The following USP43 variants were observed in gnomAD, a reference collection of about 807,000 sequenced individuals.
USP43 encodes ubiquitin specific peptidase 43.
USP43 carries 33 observed loss-of-function variants against 90.7 expected under a neutral mutation model. The observed-to-expected ratio is 0.36, with a 90% CI of 0.28 to 0.49. The LOEUF is 0.49. USP43 is among the 20% of genes least tolerant of loss of function. The pLI is 0.98. For missense variants in USP43, 1,274 were observed against 1,476.4 expected (o/e 0.86, Z 2.25); for synonymous variants, 598 against 615.8 (o/e 0.97, Z 0.43).
At chr17:9,727,204 T>A (rs1050140147) in intron 14 of USP43, among the ~76,000 whole-genome samples, 3 of 152,174 alleles carry the variant, frequency 2.0e-5, no homozygotes, top group Non-Finnish European at 2.9e-5. Context: ...ACTCCTGACC[T>A]TGTGACCCAC....
intron 1 of USP43, among the ~76,000 whole-genome samples, chr17:9,655,019 T>G (rs1306757344): frequency 2.1e-5 from 3 of 140,788 alleles, no homozygotes; most frequent in Non-Finnish European, 4.5e-5. Context: ...ATTACAGGCA[T>G]GAGCCACTGC....
chr17:9,674,755 G>A lies in USP43; in HGVS notation c.741-136G>A. Reference sequence around the variant, plus strand: ...CTTGTGTACAAGTATTTGAACACCTGTTCTCAATTCTTCTGGGTATGTACC... The same window carrying A: ...CTTGTGTACAAGTATTTGAACACCTATTCTCAATTCTTCTGGGTATGTACC... On this transcript the variant is annotated intron_variant, in intron 3 of 14. Transcript: ENST00000285199. The surrounding 1 kb of genome is among the most constrained non-coding windows in gnomAD (Gnocchi z 4.4). The A allele has an allele frequency of 1.3e-6, 1 of 745,020 alleles. No individual in the cohort carries two copies. Among genetic ancestry groups the A allele is most frequent in the African/African-American group, 1.7e-5 (1 of 58,154 alleles). The allele number at this position is 745,020 out of a possible 1,614,324, so 46.2% of individuals were successfully genotyped here. A position where few individuals can be genotyped will look rare whatever the true frequency, so the allele number is the denominator to read the frequency against.
chr17:9,654,885 GCAC>G (rs2151962901), intron 1 of USP43, among the ~76,000 whole-genome samples: 1 of 151,550 alleles, frequency 6.6e-6, no homozygotes, highest in Admixed American at 6.6e-5. Context: ...TTTCAGATGT[GCAC>G]CACCACGCCC....
chr17:9,697,033 A>C (rs1186006809), intron 9 of USP43, among the ~76,000 whole-genome samples: 1 of 152,248 alleles, frequency 6.6e-6, no homozygotes, highest in East Asian at 1.9e-4. Context: ...CCTGGCCAAC[A>C]TGGTGAAACC....
rs746567539 is a variant in USP43, at chr17:9,686,034, C to G, written c.1242-764C>G. On this transcript the variant is annotated intron_variant, in intron 7 of 14. Coordinates refer to ENST00000285199, the MANE Select transcript of USP43 (RefSeq NM_153210.5). The surrounding 1 kb of genome is among the most constrained non-coding windows in gnomAD (Gnocchi z 5.5). ...TCTGTGACATTAACTTTTTTAGATT[C>G]CACATGAGGGAGTACATGCAGTATT... 2.0e-5 allele frequency among the ~76,000 whole-genome samples: 3 copies of G among 152,162 alleles called. No individual in the cohort carries two copies. The highest frequency in any genetic ancestry group is 4.4e-5 in the Non-Finnish European group (3 of 68,026).
At chr17:9,706,695 G>C (rs1803124925) in intron 12 of USP43, among the ~76,000 whole-genome samples, 1 of 134,902 alleles carries the variant, frequency 7.4e-6, no homozygotes. Flanking sequence ...CCAGGCTGGA[G>C]TGCAATTGCA....
intron 1 of USP43, among the ~76,000 whole-genome samples, chr17:9,651,816 A>G (rs1196776828): frequency 1.3e-5 from 2 of 152,218 alleles, no homozygotes; most frequent in Admixed American, 6.5e-5. Context: ...AAGACATAAA[A>G]TGGAAATGGA....
In USP43 at chr17:9,675,311, T is replaced by C. The variant is rs1913693281; in HGVS notation, c.833+328T>C. Among the ~76,000 whole-genome samples the C allele has an allele frequency of 2.0e-5, 3 of 152,050 alleles. No individual in the cohort carries two copies. In the South Asian group the frequency reaches 6.2e-4, roughly 32 times the overall value. The stretch of plus-strand genomic sequence containing the variant: ...CTAGAGAAAATCCGTGGCCACCTGC[T>C]TTTTTTTCCCCAGCTTTACTTCAAC... On this transcript the variant is annotated intron_variant, in intron 4 of 14. Coordinates refer to ENST00000285199, the MANE Select transcript of USP43 (RefSeq NM_153210.5).
At chr17:9,662,990 G>C (rs1031633891) in intron 2 of USP43, among the ~76,000 whole-genome samples, 2 of 151,824 alleles carry the variant, frequency 1.3e-5, no homozygotes, top group African/African-American at 4.8e-5. Flanking sequence ...GCTAATTTTT[G>C]TATTTTTAGT....
Position 9,693,245 on chromosome 17 carries a change from C to G in USP43, c.1457+15C>G, listed in dbSNP as rs767142609. The G allele has an allele frequency of 3.1e-6, 5 of 1,600,782 alleles. No homozygotes were observed. In the East Asian group the frequency reaches 1.1e-4, roughly 36 times the overall value. On this transcript the variant is annotated intron_variant, in intron 9 of 14. Coordinates refer to ENST00000285199, the MANE Select transcript of USP43 (RefSeq NM_153210.5). ...GCAGTTGACAGGTAAGGGGGAAGGT[C>G]CAGGTTCAGTCAGCTAATGAACCCT...
intron 2 of USP43, among the ~76,000 whole-genome samples, chr17:9,656,912 A>T (rs1387836912): frequency 2.0e-5 from 3 of 152,190 alleles, no homozygotes; most frequent in Non-Finnish European, 4.4e-5. Context: ...TTTCTCAGTT[A>T]TGTATTCTAC....
At chr17:9,673,330 C>A (rs1159369320) in intron 3 of USP43, among the ~76,000 whole-genome samples, 1 of 151,942 alleles carries the variant, frequency 6.6e-6, no homozygotes, top group African/African-American at 2.4e-5. Context: ...CATAGTGAAT[C>A]CCCCGTCTCT....
chr17:9,671,072 C>T (rs1913387863), intron 3 of USP43, among the ~76,000 whole-genome samples: 1 of 152,186 alleles, frequency 6.6e-6, no homozygotes, highest in Non-Finnish European at 1.5e-5. Flanking sequence ...AATTCAGAGG[C>T]ATCTTCCCTT....
At chr17:9,662,022 T>C (rs899234824) in intron 2 of USP43, among the ~76,000 whole-genome samples, 7 of 152,108 alleles carry the variant, frequency 4.6e-5, no homozygotes, top group Admixed American at 1.3e-4. Context: ...CAGGCAGCTG[T>C]GAGGGTATCT....
intron 1 of USP43, among the ~76,000 whole-genome samples, chr17:9,652,127 G>A (rs1911902240): frequency 6.7e-6 from 1 of 149,758 alleles, no homozygotes; most frequent in African/African-American, 2.5e-5. Flanking sequence ...GCTCATGCCT[G>A]TAATCCTAGC....
At chr17:9,653,581 C>T (rs888541741) in intron 1 of USP43, among the ~76,000 whole-genome samples, 1 of 147,650 alleles carries the variant, frequency 6.8e-6, no homozygotes, top group African/African-American at 2.6e-5. Context: ...GAGCAAAACT[C>T]CATTTCAAAA....
intron 10 of USP43, 27 bp downstream of exon 10, chr17:9,700,276 C>T (rs779482264): frequency 1.9e-6 from 3 of 1,571,594 alleles, no homozygotes; most frequent in Admixed American, 1.9e-5. Flanking sequence ...TTGCCACCTG[C>T]AGAGCTGAGA....
rs1280514734 is a variant in USP43, at chr17:9,701,477, C to A, written c.1788C>A (p.Gly596=). The A allele has an allele frequency of 6.3e-7, 1 of 1,581,350 alleles. No homozygotes were observed. Among genetic ancestry groups the A allele is most frequent in the Admixed American group, 1.8e-5 (1 of 54,590 alleles). Residue 596 remains glycine (G), a synonymous_variant, in exon 12 of 15, where the codon GGC becomes GGA. Coordinates refer to ENST00000285199, the MANE Select transcript of USP43 (RefSeq NM_153210.5). The surrounding 1 kb of genome is among the most constrained non-coding windows in gnomAD (Gnocchi z 7.2). ...ACCTCAAAAGGTTCTGCCAGGTGGGCGAGAGAAGAAACAAGCTCTCCACGC... is the reference window on the plus strand; with the variant it reads ...ACCTCAAAAGGTTCTGCCAGGTGGGAGAGAGAAGAAACAAGCTCTCCACGC... ...IIHLKRFCQV[G]ERRNKLSTLV...
intron 7 of USP43, among the ~76,000 whole-genome samples, chr17:9,683,493 CAA>C (rs576449009): frequency 6.6e-6 from 1 of 151,822 alleles, no homozygotes; most frequent in Non-Finnish European, 1.5e-5. Context: ...CTGGTAAAAA[CAA>C]AAAGATTATT....
Sources: gnomAD v4.1 joint callset for allele counts (sites outside exome capture counted in the v4.1 genomes callset) on GRCh38, gnomAD v4.1.1 for gene constraint, Gnocchi (gnomAD v3.1) non-coding constraint, MANE v1.5 for transcripts, NCBI Gene and HGNC (gene_info 2026-07-23, HGNC 2026-07-21) for gene names.